The following ACCSL variants were observed in gnomAD, a reference collection of about 807,000 sequenced individuals.
ACCSL encodes probable inactive 1-aminocyclopropane-1-carboxylate synthase-like protein 2.
Under a neutral mutation model 61.7 loss-of-function variants are expected in ACCSL, and 55 were observed. The ratio of observed to expected loss-of-function variants is 0.89; its 90% confidence interval spans 0.72 to 1.12. The LOEUF (loss-of-function observed/expected upper bound fraction) is 1.12, where lower values mean the gene tolerates loss of function less well. ACCSL is among the 50% of genes most tolerant of loss of function. ACCSL has a pLI of 0.00. For missense variants in ACCSL, 632 were observed against 698.0 expected (o/e 0.91, Z 1.07); for synonymous variants, 258 against 264.3 (o/e 0.98, Z 0.23).
the ACCSL span, among the ~76,000 whole-genome samples, chr11:43,988,806 C>CTTTTTTTTTTTTTTTTTTT: frequency 1.0e-5 from 1 of 97,236 alleles, no homozygotes; most frequent in African/African-American, 4.1e-5. Context: ...ATTCTCTCTT[C>CTTTTTTTTTTTTTTTTTTT]TTTTTTTTTT....
chr11:43,968,369 C>G, the ACCSL span, among the ~76,000 whole-genome samples: 1 of 152,028 alleles, frequency 6.6e-6, no homozygotes, highest in Non-Finnish European at 1.5e-5. Flanking sequence ...CCTTTGCCCC[C>G]CAACCCCCGC....
At chr11:43,962,123 A>G in the ACCSL span, among the ~76,000 whole-genome samples, 1 of 152,064 alleles carries the variant, frequency 6.6e-6, no homozygotes, top group South Asian at 2.1e-4. Context: ...CCTCTCTGTC[A>G]TTCTCTGAGT....
At chr11:44,036,372 T>C in the ACCSL span, among the ~76,000 whole-genome samples, 4 of 152,250 alleles carry the variant, frequency 2.6e-5, no homozygotes, top group East Asian at 1.9e-4. Context: ...TTGGACAAGA[T>C]TGAGGAACCT....
chr11:43,943,312 C>A, the ACCSL span: 1 of 1,442,318 alleles, frequency 6.9e-7, no homozygotes, highest in Non-Finnish European at 9.1e-7. The surrounding 1 kb of genome is among the most constrained non-coding windows in gnomAD (Gnocchi z 4.8). Context: ...CGTCCGCGGT[C>A]CGCGCGGGGA....
the ACCSL span, among the ~76,000 whole-genome samples, chr11:43,921,633 G>C: frequency 6.6e-6 from 1 of 152,336 alleles, no homozygotes; most frequent in African/African-American, 2.4e-5. Context: ...AGAACTGGCA[G>C]ATGGTTCCAA....
upstream of ACCSL, chr11:44,047,861 C>T: frequency 1.3e-6 from 1 of 786,840 alleles, no homozygotes. Context: ...TCTTCATGAA[C>T]CAATCTGGTC....
the ACCSL span, among the ~76,000 whole-genome samples, chr11:43,997,151 A>T: frequency 1.1e-5 from 1 of 89,848 alleles, no homozygotes; most frequent in Non-Finnish European, 2.5e-5. Context: ...GTGGGGAGTT[A>T]AAAAAAAAAT....
the ACCSL span, among the ~76,000 whole-genome samples, chr11:44,009,233 C>T: frequency 0.095 from 14,520 of 152,074 alleles, 847 homozygotes; most frequent in East Asian, 0.33. Context: ...CATTATTGAA[C>T]AGGATAGGAG....
the ACCSL span, among the ~76,000 whole-genome samples, chr11:43,961,497 G>A: frequency 2.7e-3 from 418 of 152,216 alleles, 2 homozygotes; most frequent in Middle Eastern, 0.02. Flanking sequence ...GGTCTGTGAC[G>A]TAAAGATGCC....
chr11:44,031,333 T>A, the ACCSL span, among the ~76,000 whole-genome samples: 4 of 152,208 alleles, frequency 2.6e-5, no homozygotes, highest in African/African-American at 9.6e-5. Context: ...CTGCTGAGGT[T>A]CCTGCACCTT....
the ACCSL span, among the ~76,000 whole-genome samples, chr11:44,020,308 T>C: frequency 6.6e-6 from 1 of 152,178 alleles, no homozygotes; most frequent in Non-Finnish European, 1.5e-5. Flanking sequence ...TTCCACAGCC[T>C]GGATGCCTTT....
At chr11:43,931,530 G>A in the ACCSL span, among the ~76,000 whole-genome samples, 9 of 152,212 alleles carry the variant, frequency 5.9e-5, no homozygotes, top group Non-Finnish European at 1.3e-4. Flanking sequence ...TTTGGCAGCA[G>A]ATTGACCTGG....
At chr11:43,956,142 G>A in the ACCSL span, among the ~76,000 whole-genome samples, 222 of 150,224 alleles carry the variant, frequency 1.5e-3, 1 homozygote, top group African/African-American at 5.3e-3. Context: ...GTGAGGTACA[G>A]AAACAACTGG....
chr11:44,007,584 T>C, the ACCSL span, among the ~76,000 whole-genome samples: 1 of 152,100 alleles, frequency 6.6e-6, no homozygotes, highest in African/African-American at 2.4e-5. Context: ...AGGCCTTGGG[T>C]CAGTCCAAGC....
chr11:43,950,046 T>A, the ACCSL span, among the ~76,000 whole-genome samples: 18 of 152,352 alleles, frequency 1.2e-4, no homozygotes, highest in African/African-American at 4.3e-4. Flanking sequence ...TTATTGTTTA[T>A]GTAAAAATGC....
the ACCSL span, among the ~76,000 whole-genome samples, chr11:44,031,764 TGCTA>T: frequency 6.6e-6 from 1 of 152,204 alleles, no homozygotes; most frequent in Non-Finnish European, 1.5e-5. Context: ...AAGAGGCTTG[TGCTA>T]GTACCTTGGC....
chr11:43,942,919 C>G, the ACCSL span: 2 of 1,411,414 alleles, frequency 1.4e-6, no homozygotes, highest in South Asian at 1.5e-5. Context: ...CCGCCAAGCC[C>G]GGCGAGCTGA....
the ACCSL span, among the ~76,000 whole-genome samples, chr11:43,971,284 C>A: frequency 0.012 from 1,681 of 136,918 alleles, no homozygotes; most frequent in Middle Eastern, 0.028. Flanking sequence ...GACTCTGTCT[C>A]AAAAAAAAAA....
chr11:43,974,835 CA>C, the ACCSL span, among the ~76,000 whole-genome samples: 17 of 152,320 alleles, frequency 1.1e-4, no homozygotes, highest in East Asian at 3.3e-3. Context: ...TGACTACAGC[CA>C]TGGCCAACAT....
Sources: gnomAD v4.1 joint callset for allele counts (sites outside exome capture counted in the v4.1 genomes callset) on GRCh38, gnomAD v4.1.1 for gene constraint, Gnocchi (gnomAD v3.1) non-coding constraint, MANE v1.5 for transcripts, NCBI Gene and HGNC (gene_info 2026-07-23, HGNC 2026-07-21) for gene names.